The following GRM1 variants were observed in gnomAD, a reference collection of about 807,000 sequenced individuals.
GRM1 encodes the protein metabotropic glutamate receptor 1.
GRM1 carries 33 observed loss-of-function variants against 90.9 expected under a neutral mutation model. The observed-to-expected ratio is 0.36, with a 90% CI of 0.28 to 0.49. The LOEUF is 0.49. GRM1 is among the 20% of genes least tolerant of loss of function. The pLI is 0.99. For synonymous variants in GRM1, 700 were observed against 613.2 expected (o/e 1.14, Z -2.09); for missense variants, 1,190 against 1,534.3 (o/e 0.78, Z 3.75).
At chr6:146,249,298 C>T (rs1233588349) in intron 2 of GRM1, among the ~76,000 whole-genome samples, 1 of 152,174 alleles carries the variant, frequency 6.6e-6, no homozygotes, top group Non-Finnish European at 1.5e-5. Context: ...ACCTTCACAT[C>T]AGCCTCTCCC....
intron 2 of GRM1, among the ~76,000 whole-genome samples, chr6:146,161,246 T>C (rs1209718394): frequency 6.6e-6 from 1 of 152,178 alleles, no homozygotes; most frequent in Non-Finnish European, 1.5e-5. Flanking sequence ...AAAAGGGTTC[T>C]GGAGATATTG....
At chr6:146,174,990 G>A (rs546415251) in intron 2 of GRM1, among the ~76,000 whole-genome samples, 17 of 152,048 alleles carry the variant, frequency 1.1e-4, no homozygotes, top group African/African-American at 3.6e-4. Context: ...GGGGCGGATA[G>A]AGAGAGAGAG....
chr6:146,122,075 T>C (rs751491390), intron 1 of GRM1, among the ~76,000 whole-genome samples: 3 of 152,162 alleles, frequency 2.0e-5, no homozygotes, highest in Non-Finnish European at 4.4e-5. Context: ...CTAAGTCTCT[T>C]TGTAGGTCTC....
At chr6:146,259,852 T>C (rs967831126) in intron 2 of GRM1, among the ~76,000 whole-genome samples, 1 of 151,732 alleles carries the variant, frequency 6.6e-6, no homozygotes, top group African/African-American at 2.4e-5. Context: ...TAGATCTATT[T>C]TCTTTAAGAA....
chr6:146,066,765 G>A (rs6570735), intron 1 of GRM1, among the ~76,000 whole-genome samples: 8,745 of 62,002 alleles, frequency 0.14, 711 homozygotes, highest in African/African-American at 0.34. Context: ...AGACAGACAG[G>A]CAGAGAGAGA....
At chr6:146,187,381 T>C (rs540158863) in intron 2 of GRM1, among the ~76,000 whole-genome samples, 2 of 152,280 alleles carry the variant, frequency 1.3e-5, no homozygotes, top group African/African-American at 4.8e-5. Flanking sequence ...GTGTTTTGTT[T>C]TCCAAATGAG....
chr6:146,288,508 T>C (rs1217272635), intron 2 of GRM1, among the ~76,000 whole-genome samples: 2 of 152,024 alleles, frequency 1.3e-5, no homozygotes, highest in Non-Finnish European at 2.9e-5. Context: ...GTTTTTTTGG[T>C]TTTGTTTTGG....
At chr6:146,267,516 C>T (rs949074447) in intron 2 of GRM1, among the ~76,000 whole-genome samples, 13 of 152,022 alleles carry the variant, frequency 8.6e-5, no homozygotes, top group African/African-American at 3.1e-4. Context: ...TGTCTGCAAG[C>T]TGCAGAGCAA....
At chr6:146,402,688 A>G (rs532771567) in intron 7 of GRM1, among the ~76,000 whole-genome samples, 1 of 152,184 alleles carries the variant, frequency 6.6e-6, no homozygotes, top group Non-Finnish European at 1.5e-5. Flanking sequence ...CAACTGATCT[A>G]TCTGTTTGAA....
At chr6:146,422,644 A>G (rs902589073) in intron 7 of GRM1, among the ~76,000 whole-genome samples, 2 of 152,188 alleles carry the variant, frequency 1.3e-5, no homozygotes, top group African/African-American at 4.8e-5. Context: ...CAGAGATCTC[A>G]TTGCTAACAT....
chr6:146,270,591 C>T (rs1392343504), intron 2 of GRM1, among the ~76,000 whole-genome samples: 1 of 152,190 alleles, frequency 6.6e-6, no homozygotes, highest in Non-Finnish European at 1.5e-5. Flanking sequence ...GACCCCCAAC[C>T]CAAGGTTTGA....
chr6:146,209,375 G>C (rs969501216), intron 2 of GRM1, among the ~76,000 whole-genome samples: 1 of 152,074 alleles, frequency 6.6e-6, no homozygotes, highest in Non-Finnish European at 1.5e-5. Context: ...GGACATTTTT[G>C]ATTAAGTAGG....
At chr6:146,132,346 A>G (rs954574992) in intron 1 of GRM1, among the ~76,000 whole-genome samples, 1 of 152,234 alleles carries the variant, frequency 6.6e-6, no homozygotes, top group Non-Finnish European at 1.5e-5. Flanking sequence ...GAAGACTTAC[A>G]TTAAGGTAAG....
At chr6:146,240,754 A>C (rs1780827094) in intron 2 of GRM1, among the ~76,000 whole-genome samples, 1 of 152,276 alleles carries the variant, frequency 6.6e-6, no homozygotes, top group African/African-American at 2.4e-5. Flanking sequence ...CTTTTTAAGC[A>C]GGATGTCTTT....
chr6:146,125,645 G>A (rs534568137), intron 1 of GRM1, among the ~76,000 whole-genome samples: 31 of 152,052 alleles, frequency 2.0e-4, no homozygotes, highest in East Asian at 1.9e-4. Flanking sequence ...ATCATTTTGC[G>A]TTTATCACAT....
At chr6:146,379,521 A>AT (rs1170225522) in intron 5 of GRM1, among the ~76,000 whole-genome samples, 1 of 152,094 alleles carries the variant, frequency 6.6e-6, no homozygotes, top group Non-Finnish European at 1.5e-5. Flanking sequence ...CAACACAGCT[A>AT]TTTTGAAGTC....
chr6:146,346,974 G>A (rs544945654), intron 3 of GRM1, among the ~76,000 whole-genome samples: 8 of 152,024 alleles, frequency 5.3e-5, no homozygotes, highest in East Asian at 1.9e-4. Flanking sequence ...AGAATAACGC[G>A]GTGTTTGTTC....
intron 2 of GRM1, among the ~76,000 whole-genome samples, chr6:146,205,536 G>A (rs555683924): frequency 5.9e-5 from 9 of 152,150 alleles, no homozygotes; most frequent in Non-Finnish European, 7.4e-5. Context: ...ATTATTATGC[G>A]GAAAGTTTTT....
At chr6:146,138,007 A>G (rs1243757651) in intron 1 of GRM1, among the ~76,000 whole-genome samples, 1 of 152,130 alleles carries the variant, frequency 6.6e-6, no homozygotes, top group East Asian at 1.9e-4. Context: ...TTGATTTTGT[A>G]TCCTGCAACT....
Sources: gnomAD v4.1 joint callset for allele counts (sites outside exome capture counted in the v4.1 genomes callset) on GRCh38, gnomAD v4.1.1 for gene constraint, MANE v1.5 for transcripts, NCBI Gene and HGNC (gene_info 2026-07-23, HGNC 2026-07-21) for gene names.